The following LRRC7 variants were observed in gnomAD, a reference collection of about 807,000 sequenced individuals.
LRRC7 encodes leucine rich repeat containing 7, also known as leucine-rich repeat-containing protein 7.
A neutral mutation model predicts 175.7 loss-of-function variants in LRRC7; 23 were observed. The ratio of observed to expected loss-of-function variants is 0.13; its 90% CI spans 0.09 to 0.19. The LOEUF (loss-of-function observed/expected upper bound fraction) is 0.19. Among genes scored for constraint, LRRC7 ranks in the 10% least tolerant of loss-of-function variants. The probability of loss-of-function intolerance (pLI) is 1.00; values close to 1 mark genes in which losing one functional copy is unlikely to be tolerated. For synonymous variants in LRRC7, 685 were observed against 680.9 expected, an observed-to-expected ratio of 1.01 and a Z score of -0.09; for missense variants, 1,354 against 1,904.7, an observed-to-expected ratio of 0.71 and a Z score of 5.38.
chr1:70,013,562 G>A (rs1160639906), intron 13 of LRRC7, among the ~76,000 whole-genome samples: 2 of 151,864 alleles, frequency 1.3e-5, no homozygotes, highest in African/African-American at 4.8e-5. Flanking sequence ...CAACGAAATG[G>A]CTGTTTAGTC....
intron 23 of LRRC7, among the ~76,000 whole-genome samples, chr1:70,053,775 A>G (rs1660921457): frequency 6.6e-6 from 1 of 151,714 alleles, no homozygotes; most frequent in Admixed American, 6.5e-5. Flanking sequence ...GAGAATTTGT[A>G]TTCTAAAATA....
At chr1:69,780,616 CTT>C (rs928450859) in intron 3 of LRRC7, among the ~76,000 whole-genome samples, 11 of 151,924 alleles carry the variant, frequency 7.2e-5, no homozygotes, top group Non-Finnish European at 1.5e-4. Flanking sequence ...TTTTTACTCT[CTT>C]ATTACTTAGA....
intron 1 of LRRC7, among the ~76,000 whole-genome samples, chr1:69,604,833 G>A (rs1647272948): frequency 6.6e-6 from 1 of 152,134 alleles, no homozygotes; most frequent in Non-Finnish European, 1.5e-5. Flanking sequence ...TGTCCACTCT[G>A]TAAAAGAAAG....
At chr1:70,013,185 C>T (rs183010693) in intron 13 of LRRC7, 96 bp downstream of exon 13, 34 of 618,018 alleles carry the variant, frequency 5.5e-5, no homozygotes, top group Admixed American at 5.2e-4. Flanking sequence ...TTCTGCGTTT[C>T]GACATATACG....
intron 25 of LRRC7, among the ~76,000 whole-genome samples, chr1:70,100,106 G>T (rs1449900362): frequency 2.0e-5 from 3 of 152,056 alleles, no homozygotes; most frequent in African/African-American, 7.2e-5. Flanking sequence ...ATGTTTAATT[G>T]TTAAACAATA....
intron 2 of LRRC7, among the ~76,000 whole-genome samples, chr1:69,744,057 C>T (rs1669002923): frequency 1.3e-5 from 2 of 151,202 alleles, no homozygotes; most frequent in Non-Finnish European, 3.0e-5. Context: ...CTCATGATAA[C>T]TCAGAGGCAA....
At chr1:69,969,250 A>G (rs1409637181) in intron 8 of LRRC7, among the ~76,000 whole-genome samples, 1 of 152,240 alleles carries the variant, frequency 6.6e-6, no homozygotes, top group Non-Finnish European at 1.5e-5. Flanking sequence ...GGCAATAAAT[A>G]GCATGATTAA....
chr1:70,039,678 A>T lies in LRRC7; in HGVS notation c.3854A>T (p.Asn1285Ile), dbSNP rs1659691094. The T allele has an allele frequency of 1.2e-6, 2 of 1,614,026 alleles. No homozygotes were observed. Among genetic ancestry groups the T allele is most frequent in the African/African-American group, 2.7e-5 (2 of 74,930 alleles). Residue 1285 changes from asparagine (N) to isoleucine (I), a missense_variant, in exon 21 of 27, where the codon AAC becomes ATC. Physicochemically the swap from Asn to Ile is moderately radical, Grantham distance 149. Around this residue, in one of 4 missense-constraint regions of LRRC7, gnomAD observed 1,032 missense variants for 1,227.2 expected, o/e 0.84. Coordinates refer to ENST00000651989, the MANE Select transcript of LRRC7 (RefSeq NM_001370785.2). ...AACTATGGTGACAAGCCATCAGATA[A>T]CAGTGATTTAAAGACGAGGCCTACT... ...LGNYGDKPSD[N>I]SDLKTRPTPV... is the part of the protein sequence containing the mutation.
intron 22 of LRRC7, among the ~76,000 whole-genome samples, chr1:70,047,439 C>T (rs1479918710): frequency 2.0e-5 from 3 of 152,044 alleles, no homozygotes; most frequent in African/African-American, 7.2e-5. Flanking sequence ...CCAAGGCTTG[C>T]CTCTTGCAAC....
chr1:69,727,968 G>A lies in LRRC7; in HGVS notation c.101-32223G>A, dbSNP rs545163096. Among the ~76,000 whole-genome samples the A allele has an allele frequency of 5.9e-5, 9 of 152,080 alleles. No individual in the cohort carries two copies. In the South Asian group the frequency reaches 6.2e-4, roughly 11 times the overall value. ...TGAATCAACATGAACTTATATCCTC[G>A]TGTCAACCATTTTTATCACCCTGTG... On this transcript the variant is annotated intron_variant, in intron 2 of 26. Coordinates refer to ENST00000651989, the MANE Select transcript of LRRC7 (RefSeq NM_001370785.2).
chr1:70,082,691 C>G (rs993382698), intron 24 of LRRC7, among the ~76,000 whole-genome samples: 1 of 147,586 alleles, frequency 6.8e-6, no homozygotes, highest in African/African-American at 2.5e-5. Context: ...TTTCTGTTTC[C>G]TAGATACATA....
intron 13 of LRRC7, among the ~76,000 whole-genome samples, chr1:70,016,031 G>A (rs1340379733): frequency 6.6e-6 from 1 of 152,196 alleles, no homozygotes; most frequent in African/African-American, 2.4e-5. Context: ...TAATTTAAAT[G>A]AGGAGTCAAG....
chr1:69,671,935 T>G (rs1314102513), intron 1 of LRRC7, among the ~76,000 whole-genome samples: 1 of 152,218 alleles, frequency 6.6e-6, no homozygotes, highest in Non-Finnish European at 1.5e-5. Context: ...TCAATGCCTC[T>G]TTCAGTGACA....
chr1:69,932,152 T>C (rs1359918035), intron 8 of LRRC7, among the ~76,000 whole-genome samples: 1 of 152,200 alleles, frequency 6.6e-6, no homozygotes, highest in Non-Finnish European at 1.5e-5. Context: ...GACCAAAATC[T>C]CAGATGCAAA....
intron 7 of LRRC7, among the ~76,000 whole-genome samples, chr1:69,890,413 A>G (rs988456544): frequency 6.6e-6 from 1 of 152,222 alleles, no homozygotes; most frequent in African/African-American, 2.4e-5. Context: ...CAGTAGTCTT[A>G]AAATATTCAG....
intron 8 of LRRC7, among the ~76,000 whole-genome samples, chr1:69,947,443 C>T (rs1211828607): frequency 4.6e-5 from 7 of 151,820 alleles, no homozygotes; most frequent in Admixed American, 1.3e-4. Context: ...ATATTTTGGG[C>T]TTACCATAAG....
intron 1 of LRRC7, among the ~76,000 whole-genome samples, chr1:69,623,440 A>C (rs973121261): frequency 3.3e-5 from 5 of 152,132 alleles, no homozygotes; most frequent in African/African-American, 1.2e-4. Flanking sequence ...ATGAGGAAAA[A>C]AAAAACAAGT....
intron 2 of LRRC7, among the ~76,000 whole-genome samples, chr1:69,692,841 A>G (rs1662059448): frequency 6.6e-6 from 1 of 152,194 alleles, no homozygotes; most frequent in South Asian, 2.1e-4. Flanking sequence ...GTTTTCAGAA[A>G]AAAAAATAGT....
intron 11 of LRRC7, among the ~76,000 whole-genome samples, chr1:70,003,875 T>C (rs1349888304): frequency 6.6e-6 from 1 of 152,140 alleles, no homozygotes; most frequent in Non-Finnish European, 1.5e-5. Context: ...TGCTAATGAA[T>C]GAAGCTATTC....
Sources: gnomAD v4.1 joint callset for allele counts (sites outside exome capture counted in the v4.1 genomes callset) on GRCh38, gnomAD v4.1.1 for gene constraint, gnomAD v4.1.1 regional missense constraint, MANE v1.5 for transcripts, NCBI Gene and HGNC (gene_info 2026-07-23, HGNC 2026-07-21) for gene names.